RPS6KC1: variants seen among roughly 807,000 people sequenced by gnomAD.
RPS6KC1 encodes the protein ribosomal protein S6 kinase C1, also known as inactive ribosomal protein S6 kinase delta-1.
A neutral mutation model predicts 103.8 loss-of-function variants in RPS6KC1; 54 were observed. That is an observed-to-expected ratio of 0.52 (90% confidence interval 0.42 to 0.65). RPS6KC1 has a LOEUF of 0.65. Among genes scored for constraint, RPS6KC1 ranks in the 30% least tolerant of loss-of-function variants. RPS6KC1 has a pLI of 0.00. For synonymous variants in RPS6KC1, 439 were observed against 438.7 expected (o/e 1.00, Z -0.01); for missense variants, 1,151 against 1,253.8 (o/e 0.92, Z 1.24).
At chr1:213,697,018 C>A in the RPS6KC1 span, among the ~76,000 whole-genome samples, 1 of 152,186 alleles carries the variant, frequency 6.6e-6, no homozygotes, top group South Asian at 2.1e-4. Context: ...CTGGGGGATC[C>A]CTGCGCCCCC....
chr1:213,339,729 G>T, the RPS6KC1 span, among the ~76,000 whole-genome samples: 1 of 152,222 alleles, frequency 6.6e-6, no homozygotes, highest in Non-Finnish European at 1.5e-5. Flanking sequence ...CACAGAGGCT[G>T]CCTTAGATGT....
chr1:213,152,172 G>A (rs1423239556), intron 6 of RPS6KC1, among the ~76,000 whole-genome samples: 13 of 142,296 alleles, frequency 9.1e-5, no homozygotes, highest in African/African-American at 2.4e-4. Flanking sequence ...GCAGCTGGCC[G>A]GGCGGGGGGC....
At chr1:213,370,985 C>T in the RPS6KC1 span, among the ~76,000 whole-genome samples, 1 of 152,170 alleles carries the variant, frequency 6.6e-6, no homozygotes, top group Non-Finnish European at 1.5e-5. Flanking sequence ...ACATTGATCT[C>T]TTTAACTGTT....
intron 8 of RPS6KC1, among the ~76,000 whole-genome samples, chr1:213,224,468 TAAG>T (rs2093913076): frequency 6.6e-6 from 1 of 152,196 alleles, no homozygotes; most frequent in South Asian, 2.1e-4. Context: ...ATAGGGCTGA[TAAG>T]TAAGTGTGAA....
At chr1:213,772,114 C>G in the RPS6KC1 span, among the ~76,000 whole-genome samples, 2 of 152,174 alleles carry the variant, frequency 1.3e-5, no homozygotes, top group East Asian at 3.9e-4. Flanking sequence ...AATTGAAGTC[C>G]TTAAGTTGGA....
At chr1:213,637,805 CT>C in the RPS6KC1 span, among the ~76,000 whole-genome samples, 37 of 151,832 alleles carry the variant, frequency 2.4e-4, no homozygotes, top group Middle Eastern at 6.8e-3. Flanking sequence ...CTCATTATGG[CT>C]TTTTGTTTTG....
chr1:213,745,122 A>G, the RPS6KC1 span, among the ~76,000 whole-genome samples: 1 of 152,258 alleles, frequency 6.6e-6, no homozygotes, highest in Non-Finnish European at 1.5e-5. Context: ...TAAGGTCATT[A>G]GAACTCTTCT....
At chr1:213,857,341 G>A in the RPS6KC1 span, among the ~76,000 whole-genome samples, 2 of 152,164 alleles carry the variant, frequency 1.3e-5, no homozygotes, top group Non-Finnish European at 2.9e-5. Context: ...TTCTCTACCA[G>A]GGCAAGAATC....
intron 2 of RPS6KC1, among the ~76,000 whole-genome samples, chr1:213,073,376 C>G (rs1427690581): frequency 2.0e-5 from 3 of 152,216 alleles, no homozygotes; most frequent in Non-Finnish European, 4.4e-5. Context: ...TACCTTGGCA[C>G]ATGCCACCAC....
intron 5 of RPS6KC1, among the ~76,000 whole-genome samples, chr1:213,127,608 C>G (rs113880319): frequency 0.034 from 5,188 of 152,162 alleles, 121 homozygotes; most frequent in Middle Eastern, 0.054. Flanking sequence ...GTATTTGGCA[C>G]TTTTTTTCTT....
chr1:213,171,316 A>G (rs990589120), intron 7 of RPS6KC1, among the ~76,000 whole-genome samples: 3 of 151,888 alleles, frequency 2.0e-5, no homozygotes, highest in Non-Finnish European at 2.9e-5. Flanking sequence ...TTTTAAAGTA[A>G]AGGTTGAATC....
chr1:213,795,954 C>T, the RPS6KC1 span, among the ~76,000 whole-genome samples: 11 of 152,164 alleles, frequency 7.2e-5, no homozygotes, highest in Admixed American at 3.9e-4. Context: ...TTAGACAGCC[C>T]TGGAACAAGG....
At chr1:213,267,971 T>C (rs370363034) in intron 14 of RPS6KC1, among the ~76,000 whole-genome samples, 2 of 151,984 alleles carry the variant, frequency 1.3e-5, no homozygotes, top group African/African-American at 4.8e-5. Context: ...CATATAATGA[T>C]AGTCCCAGAA....
At chr1:213,783,362 G>A in the RPS6KC1 span, among the ~76,000 whole-genome samples, 1 of 152,176 alleles carries the variant, frequency 6.6e-6, no homozygotes, top group South Asian at 2.1e-4. Context: ...CACTTGAAAC[G>A]CAGCGCGGGA....
At chr1:213,299,575 G>GTT in the RPS6KC1 span, among the ~76,000 whole-genome samples, 1 of 136,016 alleles carries the variant, frequency 7.4e-6, no homozygotes, top group Admixed American at 7.4e-5. Flanking sequence ...AAAAAAATAT[G>GTT]TCGTGAGCCA....
the RPS6KC1 span, among the ~76,000 whole-genome samples, chr1:213,296,482 C>T: frequency 6.6e-6 from 1 of 152,190 alleles, no homozygotes; most frequent in African/African-American, 2.4e-5. Context: ...TCTCTATCCT[C>T]ATCAGAGTGG....
the RPS6KC1 span, among the ~76,000 whole-genome samples, chr1:213,769,805 A>G: frequency 1.3e-5 from 2 of 152,198 alleles, no homozygotes; most frequent in Non-Finnish European, 2.9e-5. Flanking sequence ...AAGCAATAAT[A>G]TGCTTTGTTA....
chr1:213,553,935 T>C, the RPS6KC1 span, among the ~76,000 whole-genome samples: 1 of 152,174 alleles, frequency 6.6e-6, no homozygotes, highest in African/African-American at 2.4e-5. Context: ...TAGACCTTTA[T>C]AGGATGCATA....
At chr1:213,593,665 C>G in the RPS6KC1 span, among the ~76,000 whole-genome samples, 1 of 151,718 alleles carries the variant, frequency 6.6e-6, no homozygotes, top group African/African-American at 2.4e-5. Context: ...GGAAGGCATT[C>G]GTGGTAAAGG....
Sources: allele counts gnomAD v4.1 joint callset (sites outside exome capture counted in the v4.1 genomes callset), GRCh38; gene constraint gnomAD v4.1.1; transcripts MANE v1.5; gene names NCBI Gene and HGNC (gene_info 2026-07-23, HGNC 2026-07-21).